Variants in NUMB observed in about 807,000 individuals in gnomAD.
NUMB encodes the protein protein numb homolog.
In NUMB, 29 loss-of-function variants were observed where a neutral mutation model predicts 59.7. The ratio of observed to expected loss-of-function variants is 0.49; its 90% CI spans 0.36 to 0.66. The LOEUF is 0.66. NUMB is among the 30% of genes least tolerant of loss of function. NUMB has a pLI of 0.00. For synonymous variants in NUMB, 288 were observed against 288.2 expected, an observed-to-expected ratio of 1.00 and a Z score of 0.01; for missense variants, 723 against 822.0, an observed-to-expected ratio of 0.88 and a Z score of 1.47.
At chr14:73,444,304 C>CA (rs1050161868) in intron 1 of NUMB, among the ~76,000 whole-genome samples, 3 of 149,584 alleles carry the variant, frequency 2.0e-5, no homozygotes, top group Admixed American at 1.4e-4. Flanking sequence ...GAGGCTGAGG[C>CA]AGGAGAATTG....
At chr14:73,303,896 G>GA (rs1890282806) in intron 6 of NUMB, among the ~76,000 whole-genome samples, 1 of 152,128 alleles carries the variant, frequency 6.6e-6, no homozygotes, top group South Asian at 2.1e-4. Context: ...AGTGAAAAAT[G>GA]AAAGTATAAC....
chr14:73,424,513 ACT>A (rs142960403), intron 1 of NUMB, among the ~76,000 whole-genome samples: 3,123 of 152,262 alleles, frequency 0.021, 105 homozygotes, highest in African/African-American at 0.071. Flanking sequence ...TTGATAAAAC[ACT>A]CTCATGGTTC....
chr14:73,363,632 C>T (rs144082632), intron 3 of NUMB, among the ~76,000 whole-genome samples: 1 of 152,176 alleles, frequency 6.6e-6, no homozygotes, highest in East Asian at 1.9e-4. Flanking sequence ...GCCAATTTCA[C>T]CTGTGAATGA....
chr14:73,313,785 G>C (rs545525080), intron 6 of NUMB, among the ~76,000 whole-genome samples: 64 of 148,624 alleles, frequency 4.3e-4, no homozygotes, highest in South Asian at 8.4e-4. Context: ...ATGTTAGTTT[G>C]AACCACTAAA....
intron 4 of NUMB, among the ~76,000 whole-genome samples, chr14:73,330,469 G>A (rs1262355188): frequency 6.6e-6 from 1 of 152,256 alleles, no homozygotes; most frequent in Non-Finnish European, 1.5e-5. Flanking sequence ...GCAAAAAATG[G>A]TTAGGGATCA....
intron 1 of NUMB, among the ~76,000 whole-genome samples, chr14:73,446,276 C>T (rs1241287576): frequency 6.6e-6 from 1 of 151,906 alleles, no homozygotes; most frequent in Non-Finnish European, 1.5e-5. Flanking sequence ...GGATTACAGG[C>T]ATTAGCCACC....
intron 8 of NUMB, among the ~76,000 whole-genome samples, chr14:73,289,899 G>A (rs1051388097): frequency 2.0e-5 from 3 of 152,168 alleles, no homozygotes; most frequent in African/African-American, 7.2e-5. Flanking sequence ...CCTAGGCCTA[G>A]GGCAGAAGTT....
intron 3 of NUMB, among the ~76,000 whole-genome samples, chr14:73,362,586 G>A (rs1250325403): frequency 6.6e-6 from 1 of 151,950 alleles, no homozygotes; most frequent in East Asian, 1.9e-4. Flanking sequence ...AGGACTACAG[G>A]TGCGCACCAC....
chr14:73,334,067 T>C (rs1172192259), intron 4 of NUMB, among the ~76,000 whole-genome samples: 2 of 151,560 alleles, frequency 1.3e-5, no homozygotes, highest in Non-Finnish European at 2.9e-5. Flanking sequence ...TGTTTTTTTT[T>C]CGAGATGGAG....
At position 73,443,042 on chromosome 14, in the gene NUMB, T is replaced by C. The variant is rs542600759; in HGVS notation, c.-233+15451A>G. Among the ~76,000 whole-genome samples, 251 of 152,132 alleles carry C rather than the reference T, an allele frequency of 1.6e-3. 3 individuals carry two copies. Among genetic ancestry groups the C allele is most frequent in the African/African-American group, 5.8e-3 (239 of 41,530 alleles). On this transcript the variant is annotated intron_variant, in intron 1 of 12. Coordinates refer to ENST00000555238, the MANE Select transcript of NUMB (RefSeq NM_001005743.2). The stretch of plus-strand genomic sequence containing the variant: ...CATGACTGGCTAATTTTTGCATTTT[T>C]GTAGAGATGGAGTTTCACCATGATG...
intron 1 of NUMB, among the ~76,000 whole-genome samples, chr14:73,433,064 G>A (rs987434036): frequency 9.2e-5 from 14 of 151,916 alleles, no homozygotes; most frequent in Non-Finnish European, 1.3e-4. Flanking sequence ...AAAATTAGCA[G>A]GGCATGATGG....
chr14:73,277,092 G>A lies in NUMB; in HGVS notation c.1442C>T (p.Pro481Leu), dbSNP rs763189633. 9 of 1,614,182 alleles carry A rather than the reference G, an allele frequency of 5.6e-6. No individual in the cohort carries two copies. In the Admixed American group the frequency reaches 1.2e-4, roughly 21 times the overall value. ...PPTAISQPAS[P>L]FQGNAFLTSQ... ...GGTGAGGAATGCATTCCCTTGGAAAGGTGATGCTGGCTGGGAGATGGCAGT... is the reference window on the plus strand; with the variant it reads ...GGTGAGGAATGCATTCCCTTGGAAAAGTGATGCTGGCTGGGAGATGGCAGT... Residue 481 changes from proline to leucine, a missense_variant, in exon 13 of 13, where the codon CCT (proline) becomes CTT (leucine). Transcript: ENST00000555238.
intron 1 of NUMB, among the ~76,000 whole-genome samples, chr14:73,426,489 T>G (rs1897585259): frequency 6.6e-6 from 1 of 152,064 alleles, no homozygotes; most frequent in Non-Finnish European, 1.5e-5. Flanking sequence ...GGAGGATCAC[T>G]TGAGCCCAGG....
intron 6 of NUMB, among the ~76,000 whole-genome samples, chr14:73,313,453 A>G (rs1171578089): frequency 6.6e-6 from 1 of 151,552 alleles, no homozygotes; most frequent in East Asian, 1.9e-4. Flanking sequence ...TGATGGTTCA[A>G]TGTACATGAA....
At chr14:73,396,532 T>TTTG (rs111296092) in intron 2 of NUMB, among the ~76,000 whole-genome samples, 111,660 of 151,126 alleles carry the variant, frequency 0.74, 41,336 homozygotes, top group East Asian at 0.84. Flanking sequence ...GTGTATTTTT[T>TTTG]TTGTTGTTTT....
intron 1 of NUMB, among the ~76,000 whole-genome samples, chr14:73,410,573 T>C (rs887540160): frequency 1.3e-5 from 2 of 152,214 alleles, no homozygotes; most frequent in Non-Finnish European, 2.9e-5. Context: ...AAACTATGTA[T>C]AAAGTTACCA....
At chr14:73,413,365 G>T (rs8023224) in intron 1 of NUMB, among the ~76,000 whole-genome samples, 1 of 151,188 alleles carries the variant, frequency 6.6e-6, no homozygotes, top group Non-Finnish European at 1.5e-5. Flanking sequence ...GATTACAGGC[G>T]TGAGCCACTG....
chr14:73,369,938 T>C (rs1477353149), intron 2 of NUMB, among the ~76,000 whole-genome samples: 1 of 152,232 alleles, frequency 6.6e-6, no homozygotes, highest in Non-Finnish European at 1.5e-5. Flanking sequence ...AATATCATGA[T>C]GTGTTTTGCT....
chr14:73,415,673 G>A (rs1215653129), intron 1 of NUMB, among the ~76,000 whole-genome samples: 4 of 151,838 alleles, frequency 2.6e-5, no homozygotes, highest in East Asian at 1.9e-4. Flanking sequence ...CACTATGTTG[G>A]CCAGGCTGGT....
Sources: gnomAD v4.1 joint callset for allele counts (sites outside exome capture counted in the v4.1 genomes callset) on GRCh38, gnomAD v4.1.1 for gene constraint, MANE v1.5 for transcripts, NCBI Gene and HGNC (gene_info 2026-07-23, HGNC 2026-07-21) for gene names.